The following BTBD8 variants were observed in gnomAD, a reference collection of about 807,000 sequenced individuals.
The protein encoded by BTBD8 is BTB domain containing 8.
Under a neutral mutation model 162.9 loss-of-function variants are expected in BTBD8, and 110 were observed. That is an observed-to-expected ratio of 0.68 (90% CI 0.58 to 0.79). The LOEUF (loss-of-function observed/expected upper bound fraction) is 0.79, where lower values mean the gene tolerates loss of function less well. Among genes scored for constraint, BTBD8 ranks in the 30% least tolerant of loss-of-function variants. The probability of loss-of-function intolerance (pLI) is 0.00; values close to 1 mark genes in which losing one functional copy is unlikely to be tolerated. For missense variants in BTBD8, 1,905 were observed against 2,085.4 expected (o/e 0.91, Z 1.68); for synonymous variants, 667 against 716.1 (o/e 0.93, Z 1.10).
intron 16 of BTBD8, 122 bp downstream of exon 16, chr1:92,178,573 T>G (rs1171028500): frequency 4.0e-6 from 3 of 746,956 alleles, no homozygotes; most frequent in Non-Finnish European, 6.5e-6. Flanking sequence ...ATTTTATGTT[T>G]GTTTCACACC....
chr1:92,174,643 A>C (rs986715145), intron 13 of BTBD8, among the ~76,000 whole-genome samples: 1 of 151,972 alleles, frequency 6.6e-6, no homozygotes, highest in Non-Finnish European at 1.5e-5. Flanking sequence ...TTTTGAGCTA[A>C]GATTTGAGCA....
intron 1 of BTBD8, among the ~76,000 whole-genome samples, chr1:92,084,427 G>A (rs1557434292): frequency 6.6e-6 from 1 of 152,196 alleles, no homozygotes; most frequent in Non-Finnish European, 1.5e-5. Context: ...TTCCTTGTCT[G>A]TGAGGAACAT....
chr1:92,139,971 A>T (rs1366422874), intron 6 of BTBD8: 1 of 127,106 alleles, frequency 7.9e-6, no homozygotes, highest in African/African-American at 3.0e-5. Context: ...AAAGCTGGGC[A>T]TGGTGGTGTG....
intron 2 of BTBD8, among the ~76,000 whole-genome samples, chr1:92,101,364 C>A (rs1474947339): frequency 6.6e-6 from 1 of 152,212 alleles, no homozygotes; most frequent in African/African-American, 2.4e-5. Context: ...ATGGCTCCAG[C>A]CATCTCGGTA....
chr1:92,167,140 G>A lies in BTBD8; in HGVS notation c.1305G>A (p.Gln435=). The A allele has an allele frequency of 1.9e-6, 3 of 1,550,298 alleles. No individual in the cohort carries two copies. The change falls in exon 10 of 18, where the codon CAG becomes CAA. Residue 435 remains glutamine (Q), a splice_region_variant and synonymous_variant. Coordinates refer to ENST00000636805, the MANE Select transcript of BTBD8 (RefSeq NM_001376131.1). ...GTGAAAATTTTGCTCTTCTTTTACAGGTACTATGCCTAAATTATATCCTAT... is the reference window on the plus strand; with the variant it reads ...GTGAAAATTTTGCTCTTCTTTTACAAGTACTATGCCTAAATTATATCCTAT... The part of the protein sequence containing the change: ...IQSENFALLL[Q]SQAMSSTADL...
intron 9 of BTBD8, among the ~76,000 whole-genome samples, chr1:92,166,616 G>T (rs1650393954): frequency 6.6e-6 from 1 of 151,314 alleles, no homozygotes; most frequent in Non-Finnish European, 1.5e-5. Flanking sequence ...GTAGAAGTGG[G>T]TTTTCACCAT....
chr1:92,183,851 T>C lies in BTBD8; in HGVS notation c.4913-13T>C, dbSNP rs1383274208. ...GCAATTTTTACATTGTGTAGTATTA[T>C]GAATTATTTCAGGAGACATAGATGA... On this transcript the variant is annotated splice_polypyrimidine_tract_variant and intron_variant, in intron 17 of 17. Coordinates refer to ENST00000636805, the MANE Select transcript of BTBD8 (RefSeq NM_001376131.1). 1 of 1,535,452 alleles carries C rather than the reference T, an allele frequency of 6.5e-7. No individual in the cohort carries two copies. Among genetic ancestry groups the C allele is most frequent in the African/African-American group, 1.4e-5 (1 of 72,592 alleles).
chr1:92,148,470 G>C (rs1649976445), intron 9 of BTBD8, among the ~76,000 whole-genome samples: 1 of 152,192 alleles, frequency 6.6e-6, no homozygotes, highest in African/African-American at 2.4e-5. Context: ...TTGAGGAAAG[G>C]CCTTTGAAGA....
intron 13 of BTBD8, among the ~76,000 whole-genome samples, chr1:92,175,477 CAAAAAAAAAAA>C (rs71091265): frequency 1.6e-4 from 6 of 37,438 alleles, no homozygotes; most frequent in African/African-American, 5.9e-4. Flanking sequence ...GACTCCATCT[CAAAAAAAAAAA>C]AAAAAAAAAA....
chr1:92,097,669 G>A (rs1480432475), intron 2 of BTBD8, among the ~76,000 whole-genome samples: 1 of 151,954 alleles, frequency 6.6e-6, no homozygotes, highest in Non-Finnish European at 1.5e-5. Flanking sequence ...TTCCAAACTC[G>A]ACATGGTATT....
intron 4 of BTBD8, among the ~76,000 whole-genome samples, chr1:92,112,219 A>G (rs1648915849): frequency 6.6e-6 from 1 of 151,984 alleles, no homozygotes; most frequent in Non-Finnish European, 1.5e-5. Flanking sequence ...AGACCAGCCT[A>G]AGCAACAAAG....
chr1:92,164,274 G>A (rs1650333303), intron 9 of BTBD8, among the ~76,000 whole-genome samples: 1 of 152,110 alleles, frequency 6.6e-6, no homozygotes, highest in Non-Finnish European at 1.5e-5. Context: ...ATCAGTTGAA[G>A]CCAAGAGTTC....
chr1:92,128,857 G>A (rs1649434360), intron 4 of BTBD8, among the ~76,000 whole-genome samples: 3 of 152,052 alleles, frequency 2.0e-5, no homozygotes, highest in Non-Finnish European at 4.4e-5. Context: ...CTGATTATTG[G>A]TCACCTCTCC....
chr1:92,118,799 C>CTTTTTTTTTTTTT (rs1399053364), intron 4 of BTBD8, among the ~76,000 whole-genome samples: 1 of 70,476 alleles, frequency 1.4e-5, no homozygotes, highest in African/African-American at 7.0e-5. Context: ...GCTTTTCTTT[C>CTTTTTTTTTTTTT]TTTCTTTTTT....
intron 2 of BTBD8, among the ~76,000 whole-genome samples, chr1:92,098,071 C>T (rs1191358064): frequency 2.0e-5 from 3 of 152,098 alleles, no homozygotes; most frequent in Non-Finnish European, 2.9e-5. Flanking sequence ...CTCCTGCCCA[C>T]GTGTACTCGA....
intron 4 of BTBD8, chr1:92,115,911 T>C (rs1452245161): frequency 6.6e-6 from 1 of 152,396 alleles, no homozygotes; most frequent in East Asian, 1.9e-4. Flanking sequence ...TAATTTATGC[T>C]GCCATTTATA....
intron 1 of BTBD8, among the ~76,000 whole-genome samples, chr1:92,085,612 C>T (rs893007353): frequency 2.0e-5 from 3 of 151,974 alleles, no homozygotes; most frequent in African/African-American, 7.3e-5. Flanking sequence ...CACCTGTACT[C>T]CCAGCTACTC....
At chr1:92,129,070 G>A (rs1429991096) in intron 4 of BTBD8, among the ~76,000 whole-genome samples, 2 of 151,026 alleles carry the variant, frequency 1.3e-5, no homozygotes, top group African/African-American at 4.9e-5. Flanking sequence ...ATTAAATTAG[G>A]GTTTGCTGAT....
chr1:92,088,699 C>A lies in BTBD8; in HGVS notation c.151C>A (p.Leu51Ile). The A allele has an allele frequency of 6.3e-7, 1 of 1,585,672 alleles. No individual in the cohort carries two copies. The highest frequency in any genetic ancestry group is 8.6e-7 in the Non-Finnish European group (1 of 1,166,852). The change falls in exon 2 of 18, where the codon CTT (leucine) becomes ATT (isoleucine). Residue 51 changes from leucine to isoleucine, a missense_variant and splice_region_variant. By Grantham distance (5) the Leu-to-Ile change is conservative. Around this residue, in one of 3 missense-constraint regions of BTBD8, gnomAD observed 1,374 missense variants for 1,442.7 expected, o/e 0.95. Coordinates refer to ENST00000636805, the MANE Select transcript of BTBD8 (RefSeq NM_001376131.1). ...SEQLSQDLLR[L>I]LREEFHTDVT... Reference sequence around the variant, plus strand: ...ATGATTCCTTTTTATTCCTTATAGGCTTCTAAGGGAAGAATTCCATACAGA... The same window carrying A: ...ATGATTCCTTTTTATTCCTTATAGGATTCTAAGGGAAGAATTCCATACAGA...
Sources: gnomAD v4.1 joint callset for allele counts (sites outside exome capture counted in the v4.1 genomes callset) on GRCh38, gnomAD v4.1.1 for gene constraint, gnomAD v4.1.1 regional missense constraint, MANE v1.5 for transcripts, NCBI Gene and HGNC (gene_info 2026-07-23, HGNC 2026-07-21) for gene names.